The following TRPS1 variants were observed in gnomAD, a reference collection of about 807,000 sequenced individuals.
TRPS1 encodes transcriptional repressor GATA binding 1, also known as zinc finger transcription factor Trps1.
TRPS1 carries 6 observed loss-of-function variants against 101.2 expected under a neutral mutation model. The ratio of observed to expected loss-of-function variants is 0.06; its 90% CI spans 0.03 to 0.12. The LOEUF is 0.12. TRPS1 is among the 10% of genes least tolerant of loss of function. The pLI, the probability that TRPS1 is intolerant of heterozygous loss-of-function variation, is 1.00. For missense variants in TRPS1, 1,363 were observed against 1,567.0 expected (o/e 0.87, Z 2.20); for synonymous variants, 578 against 589.8 (o/e 0.98, Z 0.29).
intron 5 of TRPS1, among the ~76,000 whole-genome samples, chr8:115,501,799 A>G (rs1815326262): frequency 1.3e-5 from 2 of 152,132 alleles, no homozygotes; most frequent in South Asian, 4.1e-4. Flanking sequence ...CTAAATTTCT[A>G]TGAAACCCAC....
intron 5 of TRPS1, among the ~76,000 whole-genome samples, chr8:115,544,210 G>A (rs572130766): frequency 6.6e-6 from 1 of 150,626 alleles, no homozygotes; most frequent in East Asian, 1.9e-4. Context: ...CCATCACTAA[G>A]TAGCCTAATT....
At position 115,521,525 on chromosome 8, in the gene TRPS1, CT is replaced by C. The variant is rs773627043; in HGVS notation, c.2700+65475del. On this transcript the variant is annotated intron_variant, in intron 5 of 6. Coordinates refer to ENST00000395715, the MANE Select transcript of TRPS1 (RefSeq NM_014112.5). ...ATTTAATTTAGAAAGGACTTCATCT[CT>C]CACTATAACTTTCAGATGTTTTCCT... Among the ~76,000 whole-genome samples, 3 of 151,970 alleles carry C rather than the reference CT, an allele frequency of 2.0e-5. No individual in the cohort carries two copies. In the East Asian group the frequency reaches 5.8e-4, roughly 29 times the overall value.
chr8:115,561,313 G>T (rs1816939818), intron 5 of TRPS1, among the ~76,000 whole-genome samples: 1 of 151,982 alleles, frequency 6.6e-6, no homozygotes, highest in Non-Finnish European at 1.5e-5. Context: ...GCAGTCTGGG[G>T]TCTCTGGCAC....
chr8:115,656,068 CT>C (rs1811670380), intron 1 of TRPS1, among the ~76,000 whole-genome samples: 1 of 152,116 alleles, frequency 6.6e-6, no homozygotes, highest in African/African-American at 2.4e-5. Context: ...ATCAATTCCA[CT>C]TTGCAGGGAC....
chr8:115,531,154 T>C (rs1385239057), intron 5 of TRPS1, among the ~76,000 whole-genome samples: 1 of 152,202 alleles, frequency 6.6e-6, no homozygotes, highest in Admixed American at 6.5e-5. Context: ...ACTTTTGATT[T>C]GTTAATTTTA....
chr8:115,459,436 T>C (rs1814111719), intron 5 of TRPS1, among the ~76,000 whole-genome samples: 1 of 152,166 alleles, frequency 6.6e-6, no homozygotes, highest in African/African-American at 2.4e-5. Context: ...CAATTGTTGA[T>C]ATTTCTAAGA....
intron 5 of TRPS1, among the ~76,000 whole-genome samples, chr8:115,554,476 T>C (rs908105612): frequency 2.0e-5 from 3 of 152,022 alleles, no homozygotes; most frequent in African/African-American, 4.8e-5. Context: ...AACATCACGA[T>C]AAAACAATGC....
intron 3 of TRPS1, among the ~76,000 whole-genome samples, chr8:115,616,749 T>G (rs578255990): frequency 2.6e-5 from 4 of 152,296 alleles, no homozygotes; most frequent in African/African-American, 9.6e-5. Context: ...CACAGGCCAT[T>G]AACTTACTAT....
chr8:115,533,447 T>TTTTTTTTTTTTTTTTTTTTTTG (rs1816196335), intron 5 of TRPS1, among the ~76,000 whole-genome samples: 1 of 131,444 alleles, frequency 7.6e-6, no homozygotes, highest in African/African-American at 3.1e-5. Context: ...TTTTTTTTTT[T>TTTTTTTTTTTTTTTTTTTTTTG]TTTTTTTTTT....
At chr8:115,475,547 A>AT (rs1166382585) in intron 5 of TRPS1, among the ~76,000 whole-genome samples, 2 of 152,022 alleles carry the variant, frequency 1.3e-5, no homozygotes, top group Admixed American at 6.6e-5. Flanking sequence ...GCTGAATACA[A>AT]TTTTTTTAAA....
At chr8:115,463,337 T>G (rs1814235624) in intron 5 of TRPS1, among the ~76,000 whole-genome samples, 1 of 152,168 alleles carries the variant, frequency 6.6e-6, no homozygotes, top group African/African-American at 2.4e-5. Context: ...ATTTGAAAAC[T>G]GAAGAAAAGA....
intron 1 of TRPS1, among the ~76,000 whole-genome samples, chr8:115,653,453 A>G (rs908895646): frequency 2.0e-5 from 3 of 152,196 alleles, no homozygotes; most frequent in African/African-American, 7.2e-5. Flanking sequence ...TGGGATGATC[A>G]GCATACTAGT....
At chr8:115,592,979 C>G (rs950042950) in intron 4 of TRPS1, among the ~76,000 whole-genome samples, 1 of 151,952 alleles carries the variant, frequency 6.6e-6, no homozygotes, top group Admixed American at 6.6e-5. Flanking sequence ...AGAACATTCC[C>G]AAATAAATTT....
At chr8:115,636,355 C>T (rs1818767022) in intron 1 of TRPS1, among the ~76,000 whole-genome samples, 1 of 152,100 alleles carries the variant, frequency 6.6e-6, no homozygotes, top group Non-Finnish European at 1.5e-5. Flanking sequence ...ACCAATGCAA[C>T]CCCAAATGTC....
intron 5 of TRPS1, among the ~76,000 whole-genome samples, chr8:115,543,063 G>T (rs1236113107): frequency 6.6e-6 from 1 of 152,070 alleles, no homozygotes; most frequent in Non-Finnish European, 1.5e-5. Context: ...TTTGAAGCAG[G>T]TTGGTGTCCT....
chr8:115,506,219 T>C (rs546859165), intron 5 of TRPS1, among the ~76,000 whole-genome samples: 1 of 151,436 alleles, frequency 6.6e-6, no homozygotes, highest in African/African-American at 2.4e-5. Context: ...TACAAATTTG[T>C]AGGGGAAAAA....
At chr8:115,528,107 A>T (rs1424001369) in intron 5 of TRPS1, among the ~76,000 whole-genome samples, 2 of 152,112 alleles carry the variant, frequency 1.3e-5, no homozygotes, top group Non-Finnish European at 2.9e-5. Flanking sequence ...ACTGCAGAAA[A>T]AAGTAAGTAA....
chr8:115,498,878 T>C (rs1054578125), intron 5 of TRPS1, among the ~76,000 whole-genome samples: 3 of 152,236 alleles, frequency 2.0e-5, no homozygotes, highest in African/African-American at 7.2e-5. Flanking sequence ...GTAACCTGTT[T>C]CTATCACAGG....
intron 4 of TRPS1, among the ~76,000 whole-genome samples, chr8:115,596,720 T>C (rs953915131): frequency 1.3e-5 from 2 of 151,436 alleles, no homozygotes; most frequent in Non-Finnish European, 3.0e-5. Context: ...ATATCATATG[T>C]ATGTATACAT....
Sources: gnomAD v4.1 joint callset for allele counts (sites outside exome capture counted in the v4.1 genomes callset) on GRCh38, gnomAD v4.1.1 for gene constraint, MANE v1.5 for transcripts, NCBI Gene and HGNC (gene_info 2026-07-23, HGNC 2026-07-21) for gene names.